TTC28: variants seen among roughly 807,000 people sequenced by gnomAD.
TTC28 encodes tetratricopeptide repeat domain 28, also known as tetratricopeptide repeat protein 28.
TTC28 carries 61 observed loss-of-function variants against 198.0 expected under a neutral mutation model. The ratio of observed to expected loss-of-function variants is 0.31; its 90% CI spans 0.25 to 0.38. TTC28 has a LOEUF of 0.38. Among genes scored for constraint, TTC28 ranks in the 10% least tolerant of loss-of-function variants. The pLI, the probability that TTC28 is intolerant of heterozygous loss-of-function variation, is 1.00. For synonymous variants in TTC28, 1,171 were observed against 1,297.8 expected (o/e 0.90, Z 2.10); for missense variants, 2,678 against 3,164.0 (o/e 0.85, Z 3.69).
Position 27,985,275 on chromosome 22 carries a change from G to T in TTC28, c.5789C>A (p.Ala1930Glu), listed in dbSNP as rs1487560751. 2 of 1,551,450 alleles carry T rather than the reference G, an allele frequency of 1.3e-6. No individual in the cohort carries two copies. The highest frequency in any genetic ancestry group is 1.7e-6 in the Non-Finnish European group (2 of 1,146,840). The change falls in exon 22 of 23, where the codon GCG becomes GAG. Residue 1930 changes from alanine (A) to glutamate (E), a missense_variant. By Grantham distance (107) the Ala-to-Glu change is moderately radical (BLOSUM62 -1). This residue lies in a region of TTC28 where 314 missense variants were observed against 442.7 expected (regional missense o/e 0.71). Transcript: ENST00000397906. ...KQANRRTVHF[A>E]LQSLLSLFDS... ...AAACAGAGACAGCAGGGACTGGAGC[G>T]CGAAGTGCACAGTCCGTCGATTAGC...
chr22:28,242,806 G>A (rs902382001), intron 5 of TTC28, among the ~76,000 whole-genome samples: 5 of 151,914 alleles, frequency 3.3e-5, no homozygotes, highest in Admixed American at 2.0e-4. Flanking sequence ...ATATGAAAGA[G>A]GCTGGAAGTA....
intron 5 of TTC28, among the ~76,000 whole-genome samples, chr22:28,226,721 C>T (rs998881090): frequency 6.6e-6 from 1 of 152,176 alleles, no homozygotes; most frequent in African/African-American, 2.4e-5. Context: ...ACCACTGCAC[C>T]CGGCTGATGT....
intron 2 of TTC28, among the ~76,000 whole-genome samples, chr22:28,535,944 C>T (rs2049262108): frequency 6.6e-6 from 1 of 152,084 alleles, no homozygotes; most frequent in Non-Finnish European, 1.5e-5. Flanking sequence ...GGCACGGTGG[C>T]TCACCCTTGT....
chr22:28,580,182 T>G (rs990724588), intron 2 of TTC28, among the ~76,000 whole-genome samples: 1 of 152,126 alleles, frequency 6.6e-6, no homozygotes, highest in Non-Finnish European at 1.5e-5. Context: ...AAATAACAGG[T>G]GATTAAACAG....
chr22:28,418,853 G>A (rs1224435401), intron 2 of TTC28, among the ~76,000 whole-genome samples: 1 of 152,152 alleles, frequency 6.6e-6, no homozygotes, highest in Non-Finnish European at 1.5e-5. Flanking sequence ...TTTGAATTTG[G>A]AAGTGGGAAA....
chr22:28,270,863 T>C (rs559487426), intron 5 of TTC28, among the ~76,000 whole-genome samples: 14 of 152,050 alleles, frequency 9.2e-5, no homozygotes, highest in Non-Finnish European at 1.8e-4. Flanking sequence ...GCGAGACTCT[T>C]GCCTCAAAAA....
At chr22:28,427,954 A>C (rs1445345597) in intron 2 of TTC28, among the ~76,000 whole-genome samples, 10 of 152,198 alleles carry the variant, frequency 6.6e-5, no homozygotes, top group Admixed American at 6.5e-4. Context: ...CACCTCTTCT[A>C]AACTTTTTTA....
chr22:28,627,007 T>C (rs981546925), intron 2 of TTC28, among the ~76,000 whole-genome samples: 5 of 152,084 alleles, frequency 3.3e-5, no homozygotes, highest in South Asian at 4.1e-4. Context: ...TTCACAAATA[T>C]AGGAAAAACA....
chr22:28,202,703 C>A (rs1425239015), intron 5 of TTC28, among the ~76,000 whole-genome samples: 1 of 152,158 alleles, frequency 6.6e-6, no homozygotes, highest in Non-Finnish European at 1.5e-5. Context: ...GGTGCACGCA[C>A]TGTCTAGCTC....
chr22:28,437,810 C>T (rs2047544377), intron 2 of TTC28, among the ~76,000 whole-genome samples: 1 of 151,970 alleles, frequency 6.6e-6, no homozygotes, highest in East Asian at 1.9e-4. Flanking sequence ...CTAGGCTAGA[C>T]ATGTGTTTTT....
At chr22:28,385,755 A>T (rs1737707933) in intron 2 of TTC28, among the ~76,000 whole-genome samples, 1 of 152,166 alleles carries the variant, frequency 6.6e-6, no homozygotes, top group South Asian at 2.1e-4. Context: ...AAAATACTAC[A>T]ATTTAGCTCC....
intron 2 of TTC28, among the ~76,000 whole-genome samples, chr22:28,479,578 T>G (rs1214047306): frequency 2.0e-5 from 3 of 152,198 alleles, no homozygotes; most frequent in African/African-American, 7.2e-5. Context: ...ATTCCTCTAT[T>G]TGGAATGAAA....
intron 2 of TTC28, among the ~76,000 whole-genome samples, chr22:28,420,672 T>G (rs956533995): frequency 6.6e-6 from 1 of 151,800 alleles, no homozygotes; most frequent in African/African-American, 2.4e-5. Flanking sequence ...CAATCTCAGC[T>G]CACTGCAACC....
chr22:28,079,080 C>G (rs1941254029), intron 12 of TTC28, among the ~76,000 whole-genome samples: 2 of 152,152 alleles, frequency 1.3e-5, no homozygotes, highest in South Asian at 4.1e-4. Context: ...GGAAAGTGAG[C>G]TGGAGTCTAA....
chr22:28,121,561 T>A (rs1308522025), intron 6 of TTC28, among the ~76,000 whole-genome samples: 4 of 152,252 alleles, frequency 2.6e-5, no homozygotes, highest in African/African-American at 9.6e-5. Context: ...TTGTTGTGCA[T>A]GCTTTTGAAT....
chr22:28,447,211 G>T (rs764439087), intron 2 of TTC28, among the ~76,000 whole-genome samples: 43 of 151,938 alleles, frequency 2.8e-4, no homozygotes, highest in Non-Finnish European at 5.6e-4. Context: ...GAAAGGGAAG[G>T]CAAGTAACAT....
At position 28,653,497 on chromosome 22, in the gene TTC28, T is replaced by C. The variant is rs571267348; in HGVS notation, c.103-23667A>G. On this transcript the variant is annotated intron_variant, in intron 1 of 22. Coordinates refer to ENST00000397906, the MANE Select transcript of TTC28 (RefSeq NM_001145418.2). ...CAGCCTGGGTGATGGGGGTGAGACC[T>C]TGTCTTAAAAAAAAAAAAAACCAAC... 1.2e-4 allele frequency among the ~76,000 whole-genome samples: 18 copies of C among 150,638 alleles called. No homozygotes were observed. In the East Asian group the frequency reaches 3.5e-3, roughly 29 times the overall value.
chr22:28,533,183 T>G (rs1248244801), intron 2 of TTC28, among the ~76,000 whole-genome samples: 1 of 152,158 alleles, frequency 6.6e-6, no homozygotes, highest in Non-Finnish European at 1.5e-5. Context: ...AAAATCTCCT[T>G]AAGCCGATAA....
intron 2 of TTC28, among the ~76,000 whole-genome samples, chr22:28,381,037 T>C (rs1178743535): frequency 6.6e-6 from 1 of 151,688 alleles, no homozygotes; most frequent in Non-Finnish European, 1.5e-5. Context: ...GACACATACA[T>C]GTACTAGGTT....
Sources: gnomAD v4.1 joint callset for allele counts (sites outside exome capture counted in the v4.1 genomes callset) on GRCh38, gnomAD v4.1.1 for gene constraint, gnomAD v4.1.1 regional missense constraint, MANE v1.5 for transcripts, NCBI Gene and HGNC (gene_info 2026-07-23, HGNC 2026-07-21) for gene names.